The following DDR2 variants were observed in gnomAD, a reference collection of about 807,000 sequenced individuals.
The protein encoded by DDR2 is discoidin domain-containing receptor 2.
In DDR2, 27 loss-of-function variants were observed where a neutral mutation model predicts 94.9. The ratio of observed to expected loss-of-function variants is 0.28; its 90% CI spans 0.21 to 0.39. The LOEUF is 0.39. Ranked by LOEUF, DDR2 falls within the 10% of genes least tolerant of loss-of-function variation. The pLI is 1.00. For missense variants in DDR2, 783 were observed against 1,076.0 expected, an observed-to-expected ratio of 0.73 and a Z score of 3.81; for synonymous variants, 382 against 377.2, an observed-to-expected ratio of 1.01 and a Z score of -0.15.
chr1:162,690,426 C>T (rs1420379089), intron 2 of DDR2, among the ~76,000 whole-genome samples: 1 of 152,072 alleles, frequency 6.6e-6, no homozygotes, highest in Non-Finnish European at 1.5e-5. Context: ...AGTCATATCT[C>T]CTCTTGGGTT....
At chr1:162,741,266 A>G (rs1427562950) in intron 3 of DDR2, among the ~76,000 whole-genome samples, 2,482 of 93,570 alleles carry the variant, frequency 0.027, 58 homozygotes, top group African/African-American at 0.08. Flanking sequence ...ATGTAATGTA[A>G]TATAATATAA....
At chr1:162,663,481 G>C (rs558372685) in intron 2 of DDR2, among the ~76,000 whole-genome samples, 1 of 152,296 alleles carries the variant, frequency 6.6e-6, no homozygotes, top group African/African-American at 2.4e-5. Context: ...TTCCATGTAA[G>C]TAACAAAGAA....
intron 2 of DDR2, among the ~76,000 whole-genome samples, chr1:162,675,732 G>A (rs1659093675): frequency 6.6e-6 from 1 of 152,166 alleles, no homozygotes; most frequent in African/African-American, 2.4e-5. Context: ...GGTCAATGAA[G>A]TTTTATTTAA....
At chr1:162,747,724 GA>G (rs1662956262) in intron 3 of DDR2, among the ~76,000 whole-genome samples, 1 of 152,116 alleles carries the variant, frequency 6.6e-6, no homozygotes, top group South Asian at 2.1e-4. Context: ...TGAAATAAAG[GA>G]AAAAACGTTA....
chr1:162,651,267 C>T (rs573628496), intron 1 of DDR2, among the ~76,000 whole-genome samples: 1 of 152,344 alleles, frequency 6.6e-6, no homozygotes, highest in South Asian at 2.1e-4. Flanking sequence ...CCTCAATCAT[C>T]TTCCAGCTTC....
intron 3 of DDR2, among the ~76,000 whole-genome samples, chr1:162,722,392 C>T (rs372750155): frequency 1.3e-3 from 195 of 152,276 alleles, no homozygotes; most frequent in African/African-American, 4.5e-3. Flanking sequence ...GAATTGTGGG[C>T]AGAGTTCTCA....
intron 2 of DDR2, among the ~76,000 whole-genome samples, chr1:162,711,060 A>C (rs1031786794): frequency 2.6e-5 from 4 of 152,212 alleles, no homozygotes; most frequent in Admixed American, 2.6e-4. Context: ...GATAGTCCCT[A>C]GCTTTTGGAT....
intron 6 of DDR2, 112 bp from the exon 7 acceptor site, chr1:162,755,552 G>A (rs1186411261): frequency 2.6e-5 from 30 of 1,147,310 alleles, no homozygotes; most frequent in Non-Finnish European, 3.8e-5. Flanking sequence ...TCGGTGTCCA[G>A]ATGGAGTCCT....
intron 11 of DDR2, 133 bp downstream of exon 11, chr1:162,767,492 T>C (rs1664056359): frequency 3.0e-6 from 4 of 1,351,082 alleles, no homozygotes; most frequent in African/African-American, 2.9e-5. Context: ...CCAAGAAACA[T>C]AGGAATGAAG....
chr1:162,650,297 A>AATAATAAT (rs201011268), intron 1 of DDR2, among the ~76,000 whole-genome samples: 2 of 151,766 alleles, frequency 1.3e-5, no homozygotes, highest in Admixed American at 1.3e-4. Flanking sequence ...GTTAAAAAAA[A>AATAATAAT]AATAATAATA....
chr1:162,709,731 G>T (rs916735434), intron 2 of DDR2, among the ~76,000 whole-genome samples: 4 of 152,320 alleles, frequency 2.6e-5, no homozygotes, highest in Middle Eastern at 3.4e-3. Context: ...AATGAGAGGA[G>T]CTGGTTGGGA....
intron 3 of DDR2, among the ~76,000 whole-genome samples, chr1:162,721,102 A>G (rs1009797100): frequency 2.4e-4 from 36 of 152,042 alleles, no homozygotes; most frequent in African/African-American, 8.4e-4. Flanking sequence ...GCCTCCTACT[A>G]CATTCTTCAT....
intron 2 of DDR2, 111 bp from the exon 3 acceptor site, chr1:162,718,926 C>T (rs1661289046): frequency 8.9e-7 from 1 of 1,121,010 alleles, no homozygotes; most frequent in Non-Finnish European, 1.3e-6. Flanking sequence ...ACAAACACTG[C>T]AGGAACACAA....
chr1:162,702,120 G>T (rs1660458638), intron 2 of DDR2, among the ~76,000 whole-genome samples: 1 of 151,926 alleles, frequency 6.6e-6, no homozygotes, highest in Non-Finnish European at 1.5e-5. Context: ...GTACAGTTTG[G>T]GATTCTCCTT....
chr1:162,687,659 T>C (rs954069994), intron 2 of DDR2, among the ~76,000 whole-genome samples: 3 of 152,134 alleles, frequency 2.0e-5, no homozygotes, highest in Non-Finnish European at 4.4e-5. Context: ...TGTGTTCTTT[T>C]ATGACTGAGA....
chr1:162,786,039 C>G lies in DDR2; in HGVS notation c.*5793C>G, dbSNP rs915365082. 18 of 152,246 alleles carry G rather than the reference C, an allele frequency of 1.2e-4. No individual in the cohort carries two copies. Among genetic ancestry groups the G allele is most frequent in the Non-Finnish European group, 1.3e-4 (9 of 68,014 alleles). The allele number at this position is 152,246 out of a possible 1,614,324, so 9.4% of individuals were successfully genotyped here. ...GAAAATAATCTGAGTCCCAAGCTAG[C>G]CTGTGCTCATCCACAATCACAATGA... On this transcript the variant is annotated 3_prime_UTR_variant, in exon 18 of 18. Transcript: ENST00000367921.
At chr1:162,755,054 C>T (rs1461607551) in intron 5 of DDR2, 102 bp from the exon 6 acceptor site, 31 of 1,544,352 alleles carry the variant, frequency 2.0e-5, no homozygotes, top group Non-Finnish European at 2.7e-5. Flanking sequence ...GCATTCTGCT[C>T]CTCGAATTAA....
intron 2 of DDR2, among the ~76,000 whole-genome samples, chr1:162,683,234 A>G (rs1406234444): frequency 1.3e-5 from 2 of 152,214 alleles, no homozygotes; most frequent in Admixed American, 1.3e-4. Context: ...TACTTTGTGA[A>G]GAAGGACTTA....
At chr1:162,664,891 A>G (rs966539634) in intron 2 of DDR2, among the ~76,000 whole-genome samples, 3 of 151,968 alleles carry the variant, frequency 2.0e-5, no homozygotes, top group Non-Finnish European at 4.4e-5. Context: ...GAATTTTTTT[A>G]CTCTTGGGAA....
Sources: allele counts gnomAD v4.1 joint callset (sites outside exome capture counted in the v4.1 genomes callset), GRCh38; gene constraint gnomAD v4.1.1; transcripts MANE v1.5; gene names NCBI Gene and HGNC (gene_info 2026-07-23, HGNC 2026-07-21).